The following OTUD7B variants were observed in gnomAD, a reference collection of about 807,000 sequenced individuals.
The protein encoded by OTUD7B is OTU domain-containing protein 7B.
OTUD7B carries 34 observed loss-of-function variants against 82.2 expected under a neutral mutation model. The ratio of observed to expected loss-of-function variants is 0.41; its 90% confidence interval spans 0.31 to 0.55. The LOEUF (loss-of-function observed/expected upper bound fraction) is 0.55, where lower values mean the gene tolerates loss of function less well. Among genes scored for constraint, OTUD7B ranks in the 20% least tolerant of loss-of-function variants. The pLI, the probability that OTUD7B is intolerant of heterozygous loss-of-function variation, is 0.20. For synonymous variants in OTUD7B, 398 were observed against 402.7 expected (o/e 0.99, Z 0.14); for missense variants, 944 against 1,062.1 (o/e 0.89, Z 1.55).
the OTUD7B span, among the ~76,000 whole-genome samples, chr1:150,020,532 A>G: frequency 6.6e-6 from 1 of 151,828 alleles, no homozygotes; most frequent in Non-Finnish European, 1.5e-5. Context: ...GCAAGACTCC[A>G]TCTCAAAAAA....
At chr1:150,043,194 T>G in the OTUD7B span, among the ~76,000 whole-genome samples, 22,711 of 152,046 alleles carry the variant, frequency 0.15, 1,866 homozygotes, top group African/African-American at 0.18. Flanking sequence ...ACAAGCACCC[T>G]CAAGATGAGT....
chr1:150,056,148 T>A, the OTUD7B span, among the ~76,000 whole-genome samples: 1 of 152,222 alleles, frequency 6.6e-6, no homozygotes, highest in South Asian at 2.1e-4. Context: ...ACTTACTTCA[T>A]ATGGCTTGCC....
chr1:150,024,993 A>G, the OTUD7B span, among the ~76,000 whole-genome samples: 1 of 152,188 alleles, frequency 6.6e-6, no homozygotes, highest in East Asian at 1.9e-4. Flanking sequence ...GGTTGCAGTG[A>G]GCTGAGATCA....
rs1559860675 is a variant in OTUD7B at position 149,992,479 on chromosome 1, T to TTTTTG, written c.-66-14904_-66-14903insCAAAA. On this transcript the variant is annotated intron_variant, in intron 1 of 11. Coordinates refer to ENST00000581312, the MANE Select transcript of OTUD7B (RefSeq NM_020205.4). ...TTTGTGTGCATGTGTTTTTTTTTTT[T>TTTTTG]TTTTTTTTTTTTTTAGTACAGAGTC... Among the ~76,000 whole-genome samples, 10 of 6,830 alleles carry TTTTTG rather than the reference T, an allele frequency of 1.5e-3. 1 individual carries two copies. The highest frequency in any genetic ancestry group is 2.2e-3 in the Non-Finnish European group (9 of 4,174). 4.5% of individuals were successfully genotyped at this position (6,830 alleles called of 152,430 possible).
chr1:150,051,467 T>C, the OTUD7B span, among the ~76,000 whole-genome samples: 1 of 152,070 alleles, frequency 6.6e-6, no homozygotes, highest in Non-Finnish European at 1.5e-5. Context: ...AACATGTCAT[T>C]GTTAATAAAT....
intron 3 of OTUD7B, 21 bp downstream of exon 3, chr1:149,971,042 A>ATT: frequency 6.5e-7 from 1 of 1,537,280 alleles, no homozygotes. Flanking sequence ...ATATACGGAA[A>ATT]CATTCCAGTC....
At chr1:150,056,985 G>T in the OTUD7B span, among the ~76,000 whole-genome samples, 1 of 152,126 alleles carries the variant, frequency 6.6e-6, no homozygotes, top group East Asian at 1.9e-4. Flanking sequence ...ATTACAAGGA[G>T]AAAAATAGTA....
Position 149,943,386 on chromosome 1 carries a change from A to T in OTUD7B, c.*471T>A, listed in dbSNP as rs1465867276. ...CTAGCTTAATTCAAATCAATAGCAA[A>T]TGTGTCCAATTTCCCACTTCCCCTC... On this transcript the variant is annotated 3_prime_UTR_variant, in exon 12 of 12. Coordinates refer to ENST00000581312, the MANE Select transcript of OTUD7B (RefSeq NM_020205.4). 2 of 159,274 alleles carry T rather than the reference A, an allele frequency of 1.3e-5. No homozygotes were observed. The highest frequency in any genetic ancestry group is 4.8e-5 in the African/African-American group (2 of 41,494). 9.9% of individuals were successfully genotyped at this position (159,274 alleles called of 1,614,324 possible). A position where few individuals can be genotyped will look rare whatever the true frequency, so the allele number is the denominator to read the frequency against.
chr1:150,006,620 G>C lies in OTUD7B; in HGVS notation c.-67+3828C>G, dbSNP rs587626040. On this transcript the variant is annotated intron_variant, in intron 1 of 11. Transcript: ENST00000581312. ...AATAACCAGGAAATGTCTTTGTTAA[G>C]TTCTGAATTACCTACAACAGTGCTC... is the stretch of plus-strand genomic sequence containing the variant. 5.6e-4 allele frequency among the ~76,000 whole-genome samples: 85 copies of C among 152,306 alleles called. 5 individuals carry two copies. The South Asian group carries it at 0.017, about 31-fold the overall frequency.
chr1:149,949,180 T>C (rs1055720707), intron 9 of OTUD7B, 97 bp from the exon 10 acceptor site: 3 of 723,494 alleles, frequency 4.1e-6, no homozygotes, highest in South Asian at 3.5e-5. Flanking sequence ...AGGTCTTTAA[T>C]TGTAGTCACT....
At chr1:149,957,966 C>T (rs1426457534) in intron 7 of OTUD7B, among the ~76,000 whole-genome samples, 2 of 152,234 alleles carry the variant, frequency 1.3e-5, no homozygotes, top group Non-Finnish European at 2.9e-5. Context: ...AGGGAATTCT[C>T]CAACTCCTTG....
chr1:150,025,474 T>C, the OTUD7B span, among the ~76,000 whole-genome samples: 5 of 147,314 alleles, frequency 3.4e-5, no homozygotes, highest in African/African-American at 7.5e-5. Flanking sequence ...CACACACAAA[T>C]AGACCTCAGG....
At chr1:150,008,025 A>T (rs1652778729) in intron 1 of OTUD7B, among the ~76,000 whole-genome samples, 2 of 152,284 alleles carry the variant, frequency 1.3e-5, no homozygotes, top group South Asian at 4.1e-4. Flanking sequence ...GAGCTCCAAA[A>T]CTTTGACAAG....
chr1:149,973,567 C>T (rs1009000540), intron 2 of OTUD7B, among the ~76,000 whole-genome samples: 2 of 149,742 alleles, frequency 1.3e-5, no homozygotes, highest in Admixed American at 6.6e-5. Context: ...CTCACTGGAA[C>T]GTTCTCCTCC....
chr1:149,970,549 C>G (rs1649845355), intron 3 of OTUD7B, among the ~76,000 whole-genome samples: 1 of 151,964 alleles, frequency 6.6e-6, no homozygotes, highest in Non-Finnish European at 1.5e-5. Flanking sequence ...GAACTCCTGA[C>G]CTCAGGTGAT....
rs1237696408 is a variant in OTUD7B at position 149,938,793 on chromosome 1, A to T, written c.*5064T>A. 8.5e-6 allele frequency: 1 copy of T among 117,210 alleles called. No individual in the cohort carries two copies. The highest frequency in any genetic ancestry group is 3.1e-5 in the African/African-American group (1 of 32,786). The allele number at this position is 117,210 out of a possible 1,614,324, so 7.3% of individuals were successfully genotyped here. On this transcript the variant is annotated 3_prime_UTR_variant, in exon 12 of 12. Transcript: ENST00000581312. ...AAAAAAAAAAAAAATTAAGCCAGGCATGGTGGTAGGCTCCTGTAATCCCAG... is the reference window on the plus strand; with the variant it reads ...AAAAAAAAAAAAAATTAAGCCAGGCTTGGTGGTAGGCTCCTGTAATCCCAG...
At chr1:150,025,442 C>T in the OTUD7B span, among the ~76,000 whole-genome samples, 2 of 86,846 alleles carry the variant, frequency 2.3e-5, no homozygotes, top group Non-Finnish European at 5.1e-5. Context: ...AACACACACA[C>T]ACACACACAC....
chr1:149,945,038 TG>T lies in OTUD7B; in HGVS notation c.1350del (p.Thr451ProfsTer74). The stretch of plus-strand genomic sequence containing the variant: ...CGGGGCTCATCTCCAGCTGAGGCGG[TG>T]GGGGACTCAGGCTGGGCCAGAGGAG... ...AQAPLAQPESPTASAGDEPRS... is the reference protein window; with the variant it reads ...AQAPLAQPESXTASAGDEPRS... On this transcript the variant is annotated frameshift_variant, in exon 12 of 12. Coordinates refer to ENST00000581312, the MANE Select transcript of OTUD7B (RefSeq NM_020205.4). LOFTEE classifies it high-confidence loss of function. 6.2e-7 allele frequency: 1 copy of T among 1,613,588 alleles called. No individual in the cohort carries two copies. The highest frequency in any genetic ancestry group is 1.1e-5 in the South Asian group (1 of 91,058).
intron 11 of OTUD7B, among the ~76,000 whole-genome samples, chr1:149,945,450 C>A (rs906567738): frequency 1.3e-5 from 2 of 152,116 alleles, no homozygotes; most frequent in South Asian, 2.1e-4. Flanking sequence ...GGGTGAGAGG[C>A]CCAGACATTA....
Sources: allele counts gnomAD v4.1 joint callset (sites outside exome capture counted in the v4.1 genomes callset), GRCh38; gene constraint gnomAD v4.1.1; transcripts MANE v1.5; gene names NCBI Gene and HGNC (gene_info 2026-07-23, HGNC 2026-07-21).